Variants in NUDT10 observed in about 807,000 individuals in gnomAD.
NUDT10 encodes nudix hydrolase 10.
A neutral mutation model predicts 10.5 loss-of-function variants in NUDT10; 2 were observed. That is an observed-to-expected ratio of 0.19 (90% CI 0.08 to 0.60). NUDT10 has a LOEUF of 0.60. Among genes scored for constraint, NUDT10 ranks in the 20% least tolerant of loss-of-function variants. NUDT10 has a pLI of 0.89. For missense variants in NUDT10, 75 were observed against 149.5 expected (o/e 0.50, Z 2.60); for synonymous variants, 53 against 71.8 (o/e 0.74, Z 1.32).
chrX:51,332,739 T>A, upstream of NUDT10: 1 of 465,310 alleles, frequency 2.1e-6, no homozygotes, highest in Non-Finnish European at 3.4e-6. Flanking sequence ...GCGGACTGGC[T>A]GACTGACACG....
chrX:51,332,848 TC>T lies in NUDT10; in HGVS notation c.-114del. On this transcript the variant is annotated 5_prime_UTR_variant, in exon 1 of 2. Coordinates refer to ENST00000356450, the MANE Select transcript of NUDT10 (RefSeq NM_001304963.2). Reference sequence around the variant, plus strand: ...GACGGCAGACGGAGGCGCCTCTCTCTCCCCGCCCCTCTCCTCGGCCCTTTCT... The same window carrying T: ...GACGGCAGACGGAGGCGCCTCTCTCTCCCGCCCCTCTCCTCGGCCCTTTCT... The T allele has an allele frequency of 9.6e-7, 1 of 1,037,666 alleles. No individual in the cohort carries two copies. The highest frequency in any genetic ancestry group is 1.3e-6 in the Non-Finnish European group (1 of 787,089). 85.5% of individuals were successfully genotyped at this position (1,037,666 alleles called of 1,213,427 possible).
rs1557312730 is a variant in NUDT10, at chrX:51,336,239, GTGAA to G, written c.*3_*6del. ...TATTAATAAGAATTTTTCTTTTTAG[GTGAA>G]TGGCATAGATGTTGTTCAGATTTAC... On this transcript the variant is annotated splice_region_variant and 3_prime_UTR_variant, in exon 2 of 2. Transcript: ENST00000356450. The G allele has an allele frequency of 1.8e-6, 1 of 563,260 alleles. No individual in the cohort carries two copies. The highest frequency in any genetic ancestry group is 2.3e-5 in the Admixed American group (1 of 44,212). The allele number at this position is 563,260 out of a possible 1,213,427, so 46.4% of individuals were successfully genotyped here.
In NUDT10 at chrX:51,337,198, G is replaced by A. The variant is rs1419350612; in HGVS notation, c.*959G>A. On this transcript the variant is annotated 3_prime_UTR_variant, in exon 2 of 2. Coordinates refer to ENST00000356450, the MANE Select transcript of NUDT10 (RefSeq NM_001304963.2). ...ATCTTATTTGAATTGTGATTTGACC[G>A]AACTGTAAAACGAATACATTTATGA... The A allele has an allele frequency of 8.0e-5, 9 of 111,895 alleles. No homozygotes were observed. Among genetic ancestry groups the A allele is most frequent in the East Asian group, 2.8e-4 (1 of 3,568 alleles). 9.2% of individuals were successfully genotyped at this position (111,895 alleles called of 1,213,427 possible). A position where few individuals can be genotyped will look rare whatever the true frequency, so the allele number is the denominator to read the frequency against.
rs1922856679 is a variant in NUDT10, at chrX:51,336,941, C to T, written c.*702C>T. ...CCGTCTCTTAAAATATTTGCCCAAA[C>T]ATTGAACCTAAATTTGACCATGCCC... On this transcript the variant is annotated 3_prime_UTR_variant, in exon 2 of 2. Transcript: ENST00000356450. 8.9e-6 allele frequency: 1 copy of T among 112,295 alleles called. No individual in the cohort carries two copies. Among genetic ancestry groups the T allele is most frequent in the Non-Finnish European group, 1.9e-5 (1 of 53,323 alleles). 9.3% of individuals were successfully genotyped at this position (112,295 alleles called of 1,213,427 possible).
rs1481095888 is a variant in NUDT10, at chrX:51,337,189, G to A, written c.*950G>A. 6 of 112,132 alleles carry A rather than the reference G, an allele frequency of 5.4e-5. No homozygotes were observed. The highest frequency in any genetic ancestry group is 1.9e-4 in the African/African-American group (6 of 30,885). The allele number at this position is 112,132 out of a possible 1,213,427, so 9.2% of individuals were successfully genotyped here. A position where few individuals can be genotyped will look rare whatever the true frequency, so the allele number is the denominator to read the frequency against. ...GTTAATTGGATCTTATTTGAATTGT[G>A]ATTTGACCGAACTGTAAAACGAATA... On this transcript the variant is annotated 3_prime_UTR_variant, in exon 2 of 2. Transcript: ENST00000356450.
Position 51,332,840 on chromosome X carries a change from C to A in NUDT10, c.-126C>A, listed in dbSNP as rs1230649369. 2 of 1,006,910 alleles carry A rather than the reference C, an allele frequency of 2.0e-6. No homozygotes were observed. The highest frequency in any genetic ancestry group is 2.6e-6 in the Non-Finnish European group (2 of 762,103). 83.0% of individuals were successfully genotyped at this position (1,006,910 alleles called of 1,213,427 possible). On this transcript the variant is annotated 5_prime_UTR_variant, in exon 1 of 2. Transcript: ENST00000356450. ...CGGGGGCAGACGGCAGACGGAGGCGCCTCTCTCTCCCCGCCCCTCTCCTCG... is the reference window on the plus strand; with the variant it reads ...CGGGGGCAGACGGCAGACGGAGGCGACTCTCTCTCCCCGCCCCTCTCCTCG...
intron 1 of NUDT10, among the ~76,000 whole-genome samples, chrX:51,334,300 T>C (rs61346580): frequency 0.14 from 15,189 of 111,863 alleles, 845 homozygotes; most frequent in Middle Eastern, 0.23. Flanking sequence ...TCAGAAAAAC[T>C]GTATTCACAG....
chrX:51,335,031 G>T (rs1265460056), intron 1 of NUDT10, among the ~76,000 whole-genome samples: 2 of 110,678 alleles, frequency 1.8e-5, no homozygotes, highest in East Asian at 5.7e-4. Context: ...ATGGGTGGGG[G>T]CTGGGGGACC....
chrX:51,332,506 C>G (rs1369735919), upstream of NUDT10: 1 of 127,531 alleles, frequency 7.8e-6, no homozygotes. Context: ...TTGCGCGCTG[C>G]GGGAGCCAGG....
Position 51,336,459 on chromosome X carries a change from C to T in NUDT10, c.*220C>T, listed in dbSNP as rs944867507. ...ATAATTCTAACTTGGCACCTGTGGC[C>T]TTTTTTGTGCTCTTATGTGTCTGTA... On this transcript the variant is annotated 3_prime_UTR_variant, in exon 2 of 2. Transcript: ENST00000356450. 1.6e-5 allele frequency: 5 copies of T among 315,647 alleles called. No homozygotes were observed. The South Asian group carries it at 4.2e-4, about 26-fold the overall frequency. The allele number at this position is 315,647 out of a possible 1,213,427, so 26.0% of individuals were successfully genotyped here.
rs1922862000 is a variant in NUDT10 at position 51,337,092 on chromosome X, T to C, written c.*853T>C. The C allele has an allele frequency of 8.9e-6, 1 of 112,177 alleles. No homozygotes were observed. Among genetic ancestry groups the C allele is most frequent in the Admixed American group, 9.4e-5 (1 of 10,614 alleles). 9.2% of individuals were successfully genotyped at this position (112,177 alleles called of 1,213,427 possible). On this transcript the variant is annotated 3_prime_UTR_variant, in exon 2 of 2. Coordinates refer to ENST00000356450, the MANE Select transcript of NUDT10 (RefSeq NM_001304963.2). ...CACATGACCTAGTTTCTTCTGTAAA[T>C]AACTTGCAAGGATGAAAGATGGAGG...
intron 1 of NUDT10, among the ~76,000 whole-genome samples, chrX:51,333,787 AGTGT>A (rs1165447894): frequency 2.2e-5 from 1 of 44,809 alleles, no homozygotes; most frequent in Admixed American, 3.9e-4. Context: ...GTGGGCGGGG[AGTGT>A]GTGTGTCTGC....
Position 51,332,913 on chromosome X carries a change from G to T in NUDT10, c.-53G>T, listed in dbSNP as rs1168372367. 6.8e-5 allele frequency: 58 copies of T among 853,786 alleles called. No individual in the cohort carries two copies. The highest frequency in any genetic ancestry group is 9.7e-5 in the Non-Finnish European group (57 of 589,767). The allele number at this position is 853,786 out of a possible 1,213,427, so 70.4% of individuals were successfully genotyped here. A position where few individuals can be genotyped will look rare whatever the true frequency, so the allele number is the denominator to read the frequency against. ...CGGCTGCTGCCCGGCAGCGGCAGCA[G>T]CTGCGTCGGCGGCCCACACAGCAGC... On this transcript the variant is annotated 5_prime_UTR_variant, in exon 1 of 2. Transcript: ENST00000356450.
chrX:51,335,029 G>C (rs1461993866), intron 1 of NUDT10, among the ~76,000 whole-genome samples: 1 of 110,667 alleles, frequency 9.0e-6, no homozygotes, highest in Admixed American at 9.6e-5. Context: ...GTATGGGTGG[G>C]GGCTGGGGGA....
At position 51,336,199 on chromosome X, in the gene NUDT10, G is replaced by A. The variant is rs377690176; in HGVS notation, c.*-40G>A. 34 of 556,509 alleles carry A rather than the reference G, an allele frequency of 6.1e-5. No homozygotes were observed. In the African/African-American group the frequency reaches 7.0e-4, roughly 11 times the overall value. The allele number at this position is 556,509 out of a possible 1,213,427, so 45.9% of individuals were successfully genotyped here. On this transcript the variant is annotated intron_variant, in intron 1 of 1. Transcript: ENST00000356450. ...GTATTTGTTGATTAGAGGAATGGATGAACCAATAAAACCCTATTAATAAGA... is the reference window on the plus strand; with the variant it reads ...GTATTTGTTGATTAGAGGAATGGATAAACCAATAAAACCCTATTAATAAGA...
At position 51,332,840 on chromosome X, in the gene NUDT10, CCT is replaced by C. The variant is rs1354072470; in HGVS notation, c.-118_-117del. The C allele has an allele frequency of 4.0e-6, 4 of 1,006,908 alleles. No individual in the cohort carries two copies. The highest frequency in any genetic ancestry group is 5.2e-5 in the South Asian group (2 of 38,259). 83.0% of individuals were successfully genotyped at this position (1,006,908 alleles called of 1,213,427 possible). On this transcript the variant is annotated 5_prime_UTR_variant, in exon 1 of 2. Transcript: ENST00000356450. ...CGGGGGCAGACGGCAGACGGAGGCG[CCT>C]CTCTCTCCCCGCCCCTCTCCTCGGC...
At chrX:51,334,622 T>C (rs1389127568) in intron 1 of NUDT10, among the ~76,000 whole-genome samples, 1 of 111,837 alleles carries the variant, frequency 8.9e-6, no homozygotes, top group Non-Finnish European at 1.9e-5. Flanking sequence ...TACCACCTTT[T>C]CTGGGTGCCA....
intron 1 of NUDT10, among the ~76,000 whole-genome samples, chrX:51,335,070 A>C (rs1456614257): frequency 9.0e-6 from 1 of 111,007 alleles, no homozygotes; most frequent in Non-Finnish European, 1.9e-5. Context: ...CTGTAATCCC[A>C]GCACTTTGGA....
At chrX:51,336,075 C>T (rs1340361713) in intron 1 of NUDT10, among the ~76,000 whole-genome samples, 164 bp from the exon 2 acceptor site, 4 of 112,091 alleles carry the variant, frequency 3.6e-5, no homozygotes, top group Non-Finnish European at 7.5e-5. Flanking sequence ...GTTATTCCCT[C>T]AGGCTCTCAT....
Sources: allele counts gnomAD v4.1 joint callset (sites outside exome capture counted in the v4.1 genomes callset), GRCh38; gene constraint gnomAD v4.1.1; transcripts MANE v1.5; gene names NCBI Gene and HGNC (gene_info 2026-07-23, HGNC 2026-07-21).